MRPL16: variants seen among roughly 807,000 people sequenced by gnomAD.
MRPL16 encodes the protein mitochondrial ribosomal protein L16.
In MRPL16, 17 loss-of-function variants were observed where a neutral mutation model predicts 22.7. The observed-to-expected ratio is 0.75, with a 90% CI of 0.51 to 1.12. The LOEUF is 1.12. Ranked by LOEUF, MRPL16 falls within the 50% of genes most tolerant of loss-of-function variation. The probability of loss-of-function intolerance (pLI) is 0.00; values close to 1 mark genes in which losing one functional copy is unlikely to be tolerated. For synonymous variants in MRPL16, 103 were observed against 112.8 expected, an observed-to-expected ratio of 0.91 and a Z score of 0.55; for missense variants, 316 against 328.7, an observed-to-expected ratio of 0.96 and a Z score of 0.30.
intron 2 of MRPL16, among the ~76,000 whole-genome samples, chr11:59,808,553 A>C (rs1866136968): frequency 6.6e-6 from 1 of 152,212 alleles, no homozygotes; most frequent in Non-Finnish European, 1.5e-5. Context: ...GGCTAAAAAC[A>C]CTTTATAATC....
chr11:59,806,865 C>A, intron 3 of MRPL16, 33 bp from the exon 4 acceptor site: 3 of 1,586,778 alleles, frequency 1.9e-6, no homozygotes, highest in Non-Finnish European at 2.6e-6. Context: ...GAAACACATG[C>A]GGACTTCGAC....
chr11:59,810,512 G>A (rs1478167576), intron 1 of MRPL16, 92 bp downstream of exon 1: 1 of 1,581,966 alleles, frequency 6.3e-7, no homozygotes, highest in Non-Finnish European at 8.6e-7. Flanking sequence ...CCAAGCATAT[G>A]CAGAGCCGCC....
chr11:59,810,537 G>A (rs1201379468), intron 1 of MRPL16, 67 bp downstream of exon 1: 3 of 1,605,924 alleles, frequency 1.9e-6, no homozygotes, highest in East Asian at 2.2e-5. Context: ...GGGTTAGGGA[G>A]AAAAAGCACT....
At chr11:59,807,648 T>G in intron 3 of MRPL16, 53 bp downstream of exon 3, 1 of 1,553,682 alleles carries the variant, frequency 6.4e-7, no homozygotes, top group South Asian at 1.2e-5. Context: ...AGTATGAGAT[T>G]TTGTTATTCC....
In MRPL16 at chr11:59,810,725, C is replaced by A. The variant is rs1866166556; in HGVS notation, c.-67G>T. Reference sequence around the variant, plus strand: ...CGGCTGTCTCCTGCACCCAGGTAAGCAGCGGCGCTCCACTACCTAGCTGTA... The same window carrying A: ...CGGCTGTCTCCTGCACCCAGGTAAGAAGCGGCGCTCCACTACCTAGCTGTA... On this transcript the variant is annotated 5_prime_UTR_variant, in exon 1 of 4. Coordinates refer to ENST00000300151, the MANE Select transcript of MRPL16 (RefSeq NM_017840.4). 1.3e-5 allele frequency: 21 copies of A among 1,588,738 alleles called. No individual in the cohort carries two copies. In the South Asian group the frequency reaches 2.1e-4, roughly 16 times the overall value.
chr11:59,809,733 A>T, intron 2 of MRPL16, 122 bp downstream of exon 2: 2 of 891,454 alleles, frequency 2.2e-6, no homozygotes, highest in Non-Finnish European at 3.5e-6. Context: ...AGCTCTAAAA[A>T]CATATTTATT....
At chr11:59,807,982 C>A in intron 2 of MRPL16, 133 bp from the exon 3 acceptor site, 1 of 1,060,456 alleles carries the variant, frequency 9.4e-7, no homozygotes, top group Non-Finnish European at 1.3e-6. Flanking sequence ...CAGGGTCTCA[C>A]TATGTTGCCC....
At chr11:59,810,373 G>C in intron 1 of MRPL16, 1 of 1,392,332 alleles carries the variant, frequency 7.2e-7, no homozygotes, top group Non-Finnish European at 9.3e-7. Context: ...GGACTCAAAG[G>C]CTCAGGCTCC....
intron 2 of MRPL16, chr11:59,808,716 C>G (rs1198408925): frequency 6.6e-6 from 1 of 152,192 alleles, no homozygotes; most frequent in Non-Finnish European, 1.5e-5. Context: ...CTGCCACATT[C>G]TTGTTGAGAA....
At chr11:59,810,097 C>G (rs774780954) in intron 1 of MRPL16, 177 bp from the exon 2 acceptor site, 62 of 643,802 alleles carry the variant, frequency 9.6e-5, no homozygotes, top group Non-Finnish European at 1.4e-4. Context: ...CCTCCGCCTC[C>G]CGGGTTCAAG....
At position 59,806,585 on chromosome 11, in the gene MRPL16, T is replaced by C. The variant is rs779150693; in HGVS notation, c.518A>G (p.Gln173Arg). Residue 173 changes from glutamine (Q) to arginine (R), a missense_variant, in exon 4 of 4, where the codon CAA (glutamine) becomes CGA (arginine). Physicochemically the swap from Gln to Arg is conservative, Grantham distance 43. Transcript: ENST00000300151. Reference sequence around the variant, plus strand: ...GTGGGCAACCTGGTCAAGGAAACCTTGCACTTCTTCAAATTCACAACGCCC... The same window carrying C: ...GTGGGCAACCTGGTCAAGGAAACCTCGCACTTCTTCAAATTCACAACGCCC... ...MGGRCEFEEV[Q>R]GFLDQVAHKL... The C allele has an allele frequency of 1.9e-6, 3 of 1,614,220 alleles. No individual in the cohort carries two copies. Among genetic ancestry groups the C allele is most frequent in the Non-Finnish European group, 2.5e-6 (3 of 1,180,028 alleles).
rs771079619 is a variant in MRPL16 at position 59,806,874 on chromosome 11, A to G, written c.271-42T>C. Reference sequence around the variant, plus strand: ...GAATTAGAAACACATGCGGACTTCGACATCATCTATGGGCTCATTATTTTG... The same window carrying G: ...GAATTAGAAACACATGCGGACTTCGGCATCATCTATGGGCTCATTATTTTG... On this transcript the variant is annotated intron_variant, in intron 3 of 3. Coordinates refer to ENST00000300151, the MANE Select transcript of MRPL16 (RefSeq NM_017840.4). 19 of 1,581,194 alleles carry G rather than the reference A, an allele frequency of 1.2e-5. No individual in the cohort carries two copies. In the Admixed American group the frequency reaches 2.9e-4, roughly 24 times the overall value.
chr11:59,806,877 T>C (rs774466612), intron 3 of MRPL16, 45 bp from the exon 4 acceptor site: 14 of 1,577,976 alleles, frequency 8.9e-6, no homozygotes, highest in Admixed American at 1.7e-5. Flanking sequence ...GACTTCGACA[T>C]CATCTATGGG....
At chr11:59,810,471 T>G (rs1268304200) in intron 1 of MRPL16, 133 bp downstream of exon 1, 1 of 1,500,836 alleles carries the variant, frequency 6.7e-7, no homozygotes, top group Admixed American at 2.1e-5. Flanking sequence ...AGGTCGGCGG[T>G]GCGATAGCGT....
At chr11:59,808,379 C>G (rs1186880237) in intron 2 of MRPL16, among the ~76,000 whole-genome samples, 2 of 152,118 alleles carry the variant, frequency 1.3e-5, no homozygotes, top group East Asian at 3.9e-4. Flanking sequence ...TTAAACTTGT[C>G]AAAGTTTAAC....
chr11:59,808,083 C>A (rs898956464), intron 2 of MRPL16, among the ~76,000 whole-genome samples: 3 of 152,160 alleles, frequency 2.0e-5, no homozygotes, highest in Non-Finnish European at 2.9e-5. Flanking sequence ...CATATCCAGC[C>A]TGAAAGTCTT....
intron 2 of MRPL16, 82 bp downstream of exon 2, chr11:59,809,773 G>T: frequency 1.6e-6 from 2 of 1,234,308 alleles, no homozygotes; most frequent in Middle Eastern, 2.5e-4. Context: ...GGAAACACGA[G>T]AACATTCCTA....
rs759467394 is a variant in MRPL16 at position 59,806,809 on chromosome 11, A to G, written c.294T>C (p.His98=). Residue 98 remains histidine (H), a synonymous_variant, in exon 4 of 4, where the codon CAT becomes CAC. Coordinates refer to ENST00000300151, the MANE Select transcript of MRPL16 (RefSeq NM_017840.4). ...GGCGCATCATTTCAAAGTGGCCCCA[A>G]TGCAGGTAGCCACCACCCAATGCCT... ...AILALGGGYL[H]WGHFEMMRLT... 3.7e-6 allele frequency: 6 copies of G among 1,609,140 alleles called. No homozygotes were observed. The highest frequency in any genetic ancestry group is 1.3e-5 in the African/African-American group (1 of 74,868).
intron 3 of MRPL16, 192 bp downstream of exon 3, chr11:59,807,509 A>G (rs558750346): frequency 3.2e-5 from 5 of 155,632 alleles, no homozygotes; most frequent in Non-Finnish European, 6.1e-5. Flanking sequence ...ACTCTACATT[A>G]AAAAAAAAAA....
Sources: gnomAD v4.1 joint callset for allele counts (sites outside exome capture counted in the v4.1 genomes callset) on GRCh38, gnomAD v4.1.1 for gene constraint, MANE v1.5 for transcripts, NCBI Gene and HGNC (gene_info 2026-07-23, HGNC 2026-07-21) for gene names.